Variants in ZNF749 observed in about 807,000 individuals in gnomAD.
ZNF749 encodes the protein zinc finger protein 749.
A neutral mutation model predicts 7.3 loss-of-function variants in ZNF749; 8 were observed. The ratio of observed to expected loss-of-function variants is 1.10; its 90% CI spans 0.64 to 1.98. ZNF749 has a LOEUF of 1.98. Ranked by LOEUF, ZNF749 falls within the 30% of genes most tolerant of loss-of-function variation. ZNF749 has a pLI of 0.00. For missense variants in ZNF749, 898 were observed against 932.4 expected, an observed-to-expected ratio of 0.96 and a Z score of 0.48; for synonymous variants, 310 against 322.4, an observed-to-expected ratio of 0.96 and a Z score of 0.41.
Position 57,435,780 on chromosome 19 carries a change from G to A in ZNF749, c.15+187G>A. The A allele has an allele frequency of 5.8e-6, 7 of 1,210,474 alleles. No homozygotes were observed. The South Asian group carries it at 9.4e-5, about 16-fold the overall frequency. 75.0% of individuals were successfully genotyped at this position (1,210,474 alleles called of 1,614,324 possible). On this transcript the variant is annotated intron_variant, in intron 1 of 2. Coordinates refer to ENST00000334181, the MANE Select transcript of ZNF749 (RefSeq NM_001023561.4). ...CGTCGGAGACCGACACGTCTCTGGG[G>A]CTTGGAGGCACTGCAGAACGGGCGG...
At position 57,435,532 on chromosome 19, in the gene ZNF749, C is replaced by G. The variant is rs766801139; in HGVS notation, c.-47C>G. The G allele has an allele frequency of 2.5e-6, 4 of 1,585,966 alleles. No individual in the cohort carries two copies. Among genetic ancestry groups the G allele is most frequent in the Non-Finnish European group, 3.4e-6 (4 of 1,168,378 alleles). ...CCTCCGTCAGCGTCCAGGTGACCGC[C>G]GTTCCCGCCCCGCTCTTCCCTGGGT... On this transcript the variant is annotated 5_prime_UTR_variant, in exon 1 of 3. Coordinates refer to ENST00000334181, the MANE Select transcript of ZNF749 (RefSeq NM_001023561.4).
chr19:57,444,723 C>T lies in ZNF749; in HGVS notation c.1575C>T (p.His525=). Reference sequence around the variant, plus strand: ...CGAAGGCCTTTGTTAGAAAGTCCCACCTAGTTCAGCATGAGAAAATCCACA... The same window carrying T: ...CGAAGGCCTTTGTTAGAAAGTCCCATCTAGTTCAGCATGAGAAAATCCACA... ...QCAKAFVRKS[H]LVQHEKIHTD... is the part of the protein sequence containing the mutation. Residue 525 remains histidine, a synonymous_variant, in exon 3 of 3, where the codon CAC becomes CAT. Transcript: ENST00000334181. 2.5e-6 allele frequency: 4 copies of T among 1,612,652 alleles called. No individual in the cohort carries two copies. Among genetic ancestry groups the T allele is most frequent in the Non-Finnish European group, 3.4e-6 (4 of 1,179,654 alleles).
chr19:57,443,649 T>C lies in ZNF749; in HGVS notation c.501T>C (p.Leu167=), dbSNP rs780330283. ...GGKDFTASSD[L]LQQQVLNSGW... ...AGGATTTTACTGCCAGCTCAGACCT[T>C]CTCCAGCAACAGGTCTTAAACAGTG... is the stretch of plus-strand genomic sequence containing the variant. Residue 167 remains leucine (L), a synonymous_variant, in exon 3 of 3, where the codon CTT becomes CTC. Coordinates refer to ENST00000334181, the MANE Select transcript of ZNF749 (RefSeq NM_001023561.4). 1.9e-6 allele frequency: 3 copies of C among 1,614,130 alleles called. No homozygotes were observed. Among genetic ancestry groups the C allele is most frequent in the Non-Finnish European group, 2.5e-6 (3 of 1,180,018 alleles).
chr19:57,439,217 T>C lies in ZNF749; in HGVS notation c.16-2668T>C, dbSNP rs1568544368. 6.6e-6 allele frequency among the ~76,000 whole-genome samples: 1 copy of C among 151,794 alleles called. No individual in the cohort carries two copies. The highest frequency in any genetic ancestry group is 1.5e-5 in the Non-Finnish European group (1 of 67,924). The stretch of plus-strand genomic sequence containing the variant: ...CAACAGCCCAGGTGGAGGTTGTTGG[T>C]GACTGAACGAGAGTGGCGGTGGTGG... On this transcript the variant is annotated intron_variant, in intron 1 of 2. Coordinates refer to ENST00000334181, the MANE Select transcript of ZNF749 (RefSeq NM_001023561.4). The surrounding 1 kb of genome is among the most constrained non-coding windows in gnomAD (Gnocchi z 4.3).
chr19:57,433,203 A>G (rs1398965590), upstream of ZNF749, among the ~76,000 whole-genome samples: 2 of 151,812 alleles, frequency 1.3e-5, no homozygotes, highest in African/African-American at 4.8e-5. Context: ...CTAGTGATGC[A>G]CTGACTTTCT....
In ZNF749 at chr19:57,445,992, A is replaced by G. The variant is rs1388075735; in HGVS notation, c.*507A>G. On this transcript the variant is annotated 3_prime_UTR_variant, in exon 3 of 3. Transcript: ENST00000334181. Reference sequence around the variant, plus strand: ...AACTTAAAATCTACCATCTTAACCCATATTTAACTGTACTGTTCAGTAGTG... The same window carrying G: ...AACTTAAAATCTACCATCTTAACCCGTATTTAACTGTACTGTTCAGTAGTG... Among the ~76,000 whole-genome samples, 4 of 152,158 alleles carry G rather than the reference A, an allele frequency of 2.6e-5. No homozygotes were observed. Among genetic ancestry groups the G allele is most frequent in the South Asian group, 2.1e-4 (1 of 4,832 alleles).
rs1000059844 is a variant in ZNF749 at position 57,445,263 on chromosome 19, T to G, written c.2115T>G (p.Phe705Leu). The G allele has an allele frequency of 4.3e-6, 7 of 1,613,912 alleles. No homozygotes were observed. Among genetic ancestry groups the G allele is most frequent in the African/African-American group, 1.3e-5 (1 of 74,944 alleles). The change falls in exon 3 of 3, where the codon TTT becomes TTG. Residue 705 changes from phenylalanine to leucine, a missense_variant. Physicochemically the swap from Phe to Leu is conservative, Grantham distance 22. Coordinates refer to ENST00000334181, the MANE Select transcript of ZNF749 (RefSeq NM_001023561.4). ...PHECSKCREL[F>L]RTKSSLIIHQ... ...AGTGCAGTAAATGTAGGGAATTGTTTAGGACTAAATCGAGCCTTATTATAC... is the reference window on the plus strand; with the variant it reads ...AGTGCAGTAAATGTAGGGAATTGTTGAGGACTAAATCGAGCCTTATTATAC...
chr19:57,441,740 A>G (rs948421805), intron 1 of ZNF749, 145 bp from the exon 2 acceptor site: 7 of 927,958 alleles, frequency 7.5e-6, no homozygotes, highest in South Asian at 1.5e-5. Flanking sequence ...GGTTCAGCAT[A>G]TGGGATCTGG....
chr19:57,445,238 AGT>A lies in ZNF749; in HGVS notation c.2092_2093del (p.Cys698GlnfsTer2). 1 of 1,614,048 alleles carries A rather than the reference AGT, an allele frequency of 6.2e-7. No individual in the cohort carries two copies. The highest frequency in any genetic ancestry group is 1.1e-5 in the South Asian group (1 of 91,086). ...GTTTGCACTGGGGAGAAGCCTCATG[AGT>A]GCAGTAAATGTAGGGAATTGTTTAG... On this transcript the variant is annotated frameshift_variant, in exon 3 of 3. Transcript: ENST00000334181. LOFTEE classifies it low-confidence loss of function (END_TRUNC).
chr19:57,432,364 T>A (rs1442415487), upstream of ZNF749, among the ~76,000 whole-genome samples: 1 of 149,146 alleles, frequency 6.7e-6, no homozygotes, highest in Admixed American at 6.7e-5. Flanking sequence ...TCACCTGAGG[T>A]CAGGAGTTCG....
At chr19:57,438,701 T>C (rs1289879367) in intron 1 of ZNF749, among the ~76,000 whole-genome samples, 1 of 152,134 alleles carries the variant, frequency 6.6e-6, no homozygotes, top group Non-Finnish European at 1.5e-5. Flanking sequence ...TCCGTTATTT[T>C]AGGCATCCTG....
Position 57,444,063 on chromosome 19 carries a change from G to A in ZNF749, c.915G>A (p.Lys305=). The change falls in exon 3 of 3, where the codon AAG becomes AAA. Residue 305 remains lysine (K), a synonymous_variant. Coordinates refer to ENST00000334181, the MANE Select transcript of ZNF749 (RefSeq NM_001023561.4). ...PTPYECTQCG[K]AFLTQAHLVG... is the part of the protein sequence containing the mutation. ...CTTATGAATGCACCCAGTGTGGGAA[G>A]GCCTTTCTTACACAGGCTCATCTGG... 6.2e-7 allele frequency: 1 copy of A among 1,613,976 alleles called. No individual in the cohort carries two copies. The highest frequency in any genetic ancestry group is 2.2e-5 in the East Asian group (1 of 44,874).
At chr19:57,438,905 G>A (rs538140282) in intron 1 of ZNF749, among the ~76,000 whole-genome samples, 1 of 152,184 alleles carries the variant, frequency 6.6e-6, no homozygotes, top group Non-Finnish European at 1.5e-5. Context: ...TTACTGGTGC[G>A]ACTTAGCTGG....
chr19:57,438,077 C>CA (rs1420895024), intron 1 of ZNF749: 12 of 398,666 alleles, frequency 3.0e-5, no homozygotes, highest in Non-Finnish European at 4.0e-5. Flanking sequence ...TCCTGATACT[C>CA]ATGGCTTGCT....
the ZNF749 span, among the ~76,000 whole-genome samples, chr19:57,428,950 T>C: frequency 6.6e-6 from 1 of 152,208 alleles, no homozygotes; most frequent in East Asian, 1.9e-4. Flanking sequence ...TGTGTCAAAA[T>C]TTCCTTCCTT....
the ZNF749 span, among the ~76,000 whole-genome samples, chr19:57,428,782 C>G: frequency 2.6e-5 from 4 of 152,138 alleles, no homozygotes; most frequent in African/African-American, 9.7e-5. Flanking sequence ...TGAGGAACTT[C>G]TAGTTTTTGC....
At chr19:57,434,892 G>A (rs1019325762), upstream of ZNF749, among the ~76,000 whole-genome samples, 1 of 152,218 alleles carries the variant, frequency 6.6e-6, no homozygotes, top group East Asian at 1.9e-4. Context: ...TATGAATGGA[G>A]GACCAGTTCA....
In ZNF749 at chr19:57,442,591, G is replaced by C. The variant is rs2089003473; in HGVS notation, c.142+580G>C. ...ATAGTTGCTCACCTTGAGCAAGGGG[G>C]AGGTCTCTGGGTGCCTGGCAGAGTG... is the stretch of plus-strand genomic sequence containing the variant. On this transcript the variant is annotated intron_variant, in intron 2 of 2. Coordinates refer to ENST00000334181, the MANE Select transcript of ZNF749 (RefSeq NM_001023561.4). This position sits in a 1 kb window ranked among gnomAD's most constrained non-coding sequence, Gnocchi z 6.6. 1.3e-5 allele frequency among the ~76,000 whole-genome samples: 2 copies of C among 152,168 alleles called. No individual in the cohort carries two copies. Among genetic ancestry groups the C allele is most frequent in the Non-Finnish European group, 2.9e-5 (2 of 68,036 alleles).
At position 57,439,568 on chromosome 19, in the gene ZNF749, G is replaced by A. The variant is rs886917212; in HGVS notation, c.16-2317G>A. On this transcript the variant is annotated intron_variant, in intron 1 of 2. Transcript: ENST00000334181. This position sits in a 1 kb window ranked among gnomAD's most constrained non-coding sequence, Gnocchi z 4.3. ...TGGGAAGATTGCTTGAGGCCAGCCT[G>A]GGCAACATAGGGAGACTCTGTCCCT... Among the ~76,000 whole-genome samples, 8 of 151,940 alleles carry A rather than the reference G, an allele frequency of 5.3e-5. No individual in the cohort carries two copies. The highest frequency in any genetic ancestry group is 1.9e-4 in the African/African-American group (8 of 41,364).
Sources: allele counts gnomAD v4.1 joint callset (sites outside exome capture counted in the v4.1 genomes callset), GRCh38; gene constraint gnomAD v4.1.1; non-coding constraint Gnocchi (gnomAD v3.1); transcripts MANE v1.5; gene names NCBI Gene and HGNC (gene_info 2026-07-23, HGNC 2026-07-21).